WWOX: variants seen among roughly 807,000 people sequenced by gnomAD.
WWOX encodes the protein WW domain containing oxidoreductase.
A neutral mutation model predicts 46.2 loss-of-function variants in WWOX; 69 were observed. That is an observed-to-expected ratio of 1.49 (90% CI 1.23 to 1.82). The LOEUF (loss-of-function observed/expected upper bound fraction) is 1.82, where lower values mean the gene tolerates loss of function less well. WWOX is among the 40% of genes most tolerant of loss of function. The pLI is 0.00. For synonymous variants in WWOX, 359 were observed against 202.6 expected (o/e 1.77, Z -6.56); for missense variants, 919 against 542.6 (o/e 1.69, Z -6.89).
chr16:78,364,570 GA>G (rs5818133), intron 5 of WWOX, among the ~76,000 whole-genome samples: 11,688 of 150,838 alleles, frequency 0.077, 861 homozygotes, highest in East Asian at 0.2. Context: ...AAATGGGAAA[GA>G]AAAAAAAAAT....
chr16:78,730,288 C>A (rs1473674790), intron 8 of WWOX, among the ~76,000 whole-genome samples: 1 of 151,812 alleles, frequency 6.6e-6, no homozygotes, highest in African/African-American at 2.4e-5. Flanking sequence ...ATCCTTTTTT[C>A]CTCCTTCCTT....
rs528052420 is a variant in WWOX, at chr16:78,205,054, A to C, written c.516+40765A>C. On this transcript the variant is annotated intron_variant, in intron 5 of 8. Transcript: ENST00000566780. ...AGACACTCTTATGGCAGACATGAAC[A>C]TGGGGCTTAAATCAGTTCTGACATC... Among the ~76,000 whole-genome samples, 191 of 152,336 alleles carry C rather than the reference A, an allele frequency of 1.3e-3. 2 individuals carry two copies. In the South Asian group the frequency reaches 0.017, roughly 14 times the overall value.
At chr16:78,659,561 A>G (rs2047165063) in intron 8 of WWOX, among the ~76,000 whole-genome samples, 1 of 152,172 alleles carries the variant, frequency 6.6e-6, no homozygotes, top group Non-Finnish European at 1.5e-5. Flanking sequence ...ACCTTTCGAG[A>G]CATCATTTGA....
chr16:79,196,124 T>G (rs1231345534), intron 8 of WWOX, among the ~76,000 whole-genome samples: 4 of 152,220 alleles, frequency 2.6e-5, no homozygotes, highest in African/African-American at 9.6e-5. Flanking sequence ...TCTGATAAAG[T>G]TACAGAAGTG....
chr16:78,487,963 AC>A (rs1567601807), intron 8 of WWOX, among the ~76,000 whole-genome samples: 1 of 152,100 alleles, frequency 6.6e-6, no homozygotes, highest in African/African-American at 2.4e-5. Flanking sequence ...TCATTATCCC[AC>A]CTTCCCCAAG....
At chr16:78,448,646 C>T (rs1053224905) in intron 8 of WWOX, among the ~76,000 whole-genome samples, 3 of 152,200 alleles carry the variant, frequency 2.0e-5, no homozygotes, top group Non-Finnish European at 4.4e-5. Context: ...AAATCAGCTT[C>T]TCCACTAATG....
At chr16:79,204,947 C>G (rs2051459524) in intron 8 of WWOX, 1 of 152,190 alleles carries the variant, frequency 6.6e-6, no homozygotes, top group Non-Finnish European at 1.5e-5. Flanking sequence ...CCTCTTAAAA[C>G]TTCTTAGTGC....
intron 5 of WWOX, among the ~76,000 whole-genome samples, chr16:78,342,070 T>A (rs140767269): frequency 8.2e-6 from 1 of 121,252 alleles, no homozygotes; most frequent in African/African-American, 2.8e-5. Context: ...GAGCTGCAAT[T>A]GTGCCACTGC....
At chr16:78,102,507 C>T (rs544729204) in intron 1 of WWOX, among the ~76,000 whole-genome samples, 1 of 152,292 alleles carries the variant, frequency 6.6e-6, no homozygotes, top group South Asian at 2.1e-4. Flanking sequence ...AGCAGCAGAG[C>T]TCCAGTAGCC....
At chr16:78,416,363 C>G (rs992844418) in intron 6 of WWOX, among the ~76,000 whole-genome samples, 1 of 152,168 alleles carries the variant, frequency 6.6e-6, no homozygotes, top group Non-Finnish European at 1.5e-5. Flanking sequence ...AATTAAGTGT[C>G]TTTACAATTA....
chr16:78,652,166 C>G (rs1304359127), intron 8 of WWOX, among the ~76,000 whole-genome samples: 1 of 147,922 alleles, frequency 6.8e-6, no homozygotes, highest in Non-Finnish European at 1.5e-5. Context: ...AATCCCAGCA[C>G]TTTGGGAGGC....
chr16:78,574,317 G>A (rs1378618184), intron 8 of WWOX, among the ~76,000 whole-genome samples: 1 of 152,186 alleles, frequency 6.6e-6, no homozygotes, highest in Non-Finnish European at 1.5e-5. Flanking sequence ...CAGAAGTCCT[G>A]CACACATTCA....
At chr16:78,867,652 CA>C (rs2044035062) in intron 8 of WWOX, among the ~76,000 whole-genome samples, 1 of 151,980 alleles carries the variant, frequency 6.6e-6, no homozygotes, top group Non-Finnish European at 1.5e-5. Flanking sequence ...GAGAGTCTCC[CA>C]CCTCAGCCTC....
In WWOX at chr16:78,099,814, G is replaced by C. The variant is rs1438602210; in HGVS notation, c.36G>C (p.Thr12=). 6.3e-7 allele frequency: 1 copy of C among 1,577,428 alleles called. No individual in the cohort carries two copies. The highest frequency in any genetic ancestry group is 2.4e-5 in the East Asian group (1 of 42,482). The part of the protein sequence containing the change: ...AALRYAGLDD[T]DSEDELPPGW... The stretch of plus-strand genomic sequence containing the variant: ...TGCGCTACGCGGGGCTGGACGACAC[G>C]GACAGTGAGGACGAGCTGCCTCCGG... The change falls in exon 1 of 9, where the codon ACG becomes ACC. Residue 12 remains threonine (T), a synonymous_variant. Transcript: ENST00000566780.
chr16:78,808,716 C>G (rs1193842929), intron 8 of WWOX, among the ~76,000 whole-genome samples: 2 of 152,130 alleles, frequency 1.3e-5, no homozygotes, highest in African/African-American at 2.4e-5. Context: ...TTGAGTGGTT[C>G]CATATTAATA....
At chr16:78,673,370 A>G (rs887992742) in intron 8 of WWOX, among the ~76,000 whole-genome samples, 1 of 152,152 alleles carries the variant, frequency 6.6e-6, no homozygotes, top group Non-Finnish European at 1.5e-5. Flanking sequence ...CGCCTCTCTA[A>G]CACCACGTTT....
chr16:78,569,140 G>C lies in WWOX; in HGVS notation c.1056+136388G>C, dbSNP rs557265572. Reference sequence around the variant, plus strand: ...AAAATTACAGGATACCTAGGGACCTGTTGGGGTGGGAGGGAAGAACCCTAT... The same window carrying C: ...AAAATTACAGGATACCTAGGGACCTCTTGGGGTGGGAGGGAAGAACCCTAT... On this transcript the variant is annotated intron_variant, in intron 8 of 8. Transcript: ENST00000566780. Among the ~76,000 whole-genome samples, 4 of 152,308 alleles carry C rather than the reference G, an allele frequency of 2.6e-5. No homozygotes were observed. The South Asian group carries it at 8.3e-4, about 32-fold the overall frequency.
At chr16:78,118,530 A>G (rs926709382) in intron 4 of WWOX, among the ~76,000 whole-genome samples, 11 of 152,206 alleles carry the variant, frequency 7.2e-5, no homozygotes, top group Admixed American at 6.5e-4. Context: ...GAACACAGCC[A>G]TGCCCATTTA....
At chr16:78,278,710 T>C (rs1427873896) in intron 5 of WWOX, 3 of 1,515,864 alleles carry the variant, frequency 2.0e-6, no homozygotes, top group Non-Finnish European at 2.7e-6. Flanking sequence ...TACATCTTCT[T>C]TTGTGGGTAT....
Sources: gnomAD v4.1 joint callset for allele counts (sites outside exome capture counted in the v4.1 genomes callset) on GRCh38, gnomAD v4.1.1 for gene constraint, MANE v1.5 for transcripts, NCBI Gene and HGNC (gene_info 2026-07-23, HGNC 2026-07-21) for gene names.